KIAA0319L: variants seen among roughly 807,000 people sequenced by gnomAD.
KIAA0319L encodes dyslexia-associated protein KIAA0319-like protein.
A neutral mutation model predicts 120.1 loss-of-function variants in KIAA0319L; 55 were observed. The observed-to-expected ratio is 0.46, with a 90% CI of 0.37 to 0.57. The LOEUF (loss-of-function observed/expected upper bound fraction) is 0.57. Among genes scored for constraint, KIAA0319L ranks in the 20% least tolerant of loss-of-function variants. The pLI, the probability that KIAA0319L is intolerant of heterozygous loss-of-function variation, is 0.00. For synonymous variants in KIAA0319L, 398 were observed against 471.9 expected, an observed-to-expected ratio of 0.84 and a Z score of 2.03; for missense variants, 1,049 against 1,255.3, an observed-to-expected ratio of 0.84 and a Z score of 2.48.
intron 3 of KIAA0319L, among the ~76,000 whole-genome samples, chr1:35,496,947 C>CAAAAAAAAAAAAAAAAAAAAAAAAAA: frequency 2.0e-5 from 1 of 50,214 alleles, no homozygotes; most frequent in Non-Finnish European, 3.8e-5. Flanking sequence ...ATTGTGTCTC[C>CAAAAAAAAAAAAAAAAAAAAAAAAAA]AAAAAAAAAA....
chr1:35,556,049 GAAC>G (rs1393693710), intron 1 of KIAA0319L, among the ~76,000 whole-genome samples: 34 of 152,300 alleles, frequency 2.2e-4, no homozygotes, highest in Middle Eastern at 3.4e-3. Context: ...CCAAACGCAA[GAAC>G]AACAACACAT....
intron 2 of KIAA0319L, among the ~76,000 whole-genome samples, chr1:35,539,552 T>C (rs542791193): frequency 6.6e-6 from 1 of 152,314 alleles, no homozygotes; most frequent in South Asian, 2.1e-4. Context: ...AATGCACAGG[T>C]AGAAGACAGC....
chr1:35,459,917 G>A (rs1002874021), intron 9 of KIAA0319L, among the ~76,000 whole-genome samples: 6 of 152,152 alleles, frequency 3.9e-5, no homozygotes, highest in Admixed American at 2.0e-4. Context: ...TATGAGGTAC[G>A]TAAGCTGAGG....
intron 3 of KIAA0319L, among the ~76,000 whole-genome samples, chr1:35,490,872 A>T (rs1644566819): frequency 6.6e-6 from 1 of 152,046 alleles, no homozygotes; most frequent in Non-Finnish European, 1.5e-5. Flanking sequence ...ATGAGATCTG[A>T]TGGTTTAAAA....
intron 3 of KIAA0319L, among the ~76,000 whole-genome samples, chr1:35,488,167 T>C (rs192302401): frequency 1.3e-5 from 2 of 152,364 alleles, no homozygotes; most frequent in East Asian, 3.8e-4. Flanking sequence ...TTTTCAAAAG[T>C]AAGCGCTCCT....
chr1:35,462,569 A>G (rs1570687711), intron 8 of KIAA0319L, 52 bp downstream of exon 8: 1 of 1,415,770 alleles, frequency 7.1e-7, no homozygotes, highest in Non-Finnish European at 1.0e-6. Context: ...GTTTTCTATC[A>G]GAGTACACGG....
intron 3 of KIAA0319L, among the ~76,000 whole-genome samples, chr1:35,504,268 C>T (rs1645122807): frequency 6.6e-6 from 1 of 151,996 alleles, no homozygotes; most frequent in Non-Finnish European, 1.5e-5. Flanking sequence ...GCAATCTTCG[C>T]TCACTGCAAG....
chr1:35,508,661 C>T (rs1025588797), intron 2 of KIAA0319L, among the ~76,000 whole-genome samples: 2 of 151,744 alleles, frequency 1.3e-5, no homozygotes, highest in African/African-American at 4.8e-5. Context: ...TACAGAAATA[C>T]CCCCTCATTT....
chr1:35,492,443 G>A (rs977682884), intron 3 of KIAA0319L, among the ~76,000 whole-genome samples: 2 of 152,022 alleles, frequency 1.3e-5, no homozygotes, highest in Admixed American at 6.6e-5. Flanking sequence ...GAACCCAGGA[G>A]GTGGAGGTTG....
At chr1:35,530,237 T>C (rs1646312478) in intron 2 of KIAA0319L, among the ~76,000 whole-genome samples, 4 of 151,466 alleles carry the variant, frequency 2.6e-5, no homozygotes, top group Admixed American at 2.6e-4. Context: ...CTTCACTATG[T>C]TGCCCATCTA....
chr1:35,462,575 C>T (rs762234185), intron 8 of KIAA0319L, 46 bp downstream of exon 8: 4 of 1,450,308 alleles, frequency 2.8e-6, no homozygotes, highest in Non-Finnish European at 1.9e-6. Context: ...TATCAGAGTA[C>T]ACGGTGAATG....
chr1:35,508,410 C>T (rs1304373672), intron 2 of KIAA0319L, among the ~76,000 whole-genome samples: 1 of 152,180 alleles, frequency 6.6e-6, no homozygotes, highest in Non-Finnish European at 1.5e-5. Context: ...CAGCCAAAGC[C>T]AATCTGACTC....
intron 7 of KIAA0319L, among the ~76,000 whole-genome samples, chr1:35,463,352 G>GT (rs1461321447): frequency 6.6e-6 from 1 of 152,212 alleles, no homozygotes; most frequent in African/African-American, 2.4e-5. Context: ...ACAGCAGCAA[G>GT]TGACTCCTTT....
At position 35,437,628 on chromosome 1, in the gene KIAA0319L, A is replaced by G. The variant is rs909178339; in HGVS notation, c.2963-2547T>C. Among the ~76,000 whole-genome samples the G allele has an allele frequency of 2.6e-5, 4 of 152,066 alleles. No homozygotes were observed. Among genetic ancestry groups the G allele is most frequent in the Non-Finnish European group, 5.9e-5 (4 of 68,020 alleles). ...GCCAGGAGCTTCTCTGGTGCTATCA[A>G]TTCTGATTCTTTGGCCTTTGCAGCA... On this transcript the variant is annotated intron_variant, in intron 20 of 20. Transcript: ENST00000325722. This position sits in a 1 kb window ranked among gnomAD's most constrained non-coding sequence, Gnocchi z 4.1.
intron 3 of KIAA0319L, among the ~76,000 whole-genome samples, chr1:35,495,589 T>C (rs1644770209): frequency 6.6e-6 from 1 of 152,186 alleles, no homozygotes. Flanking sequence ...AAAGAGCTTG[T>C]ATGCAGAAAA....
chr1:35,463,321 A>G (rs1234775497), intron 7 of KIAA0319L, among the ~76,000 whole-genome samples: 1 of 152,194 alleles, frequency 6.6e-6, no homozygotes, highest in Non-Finnish European at 1.5e-5. Context: ...CTCATGTGCT[A>G]TCTAGTTGAT....
At chr1:35,482,714 C>A (rs1291268771) in intron 3 of KIAA0319L, among the ~76,000 whole-genome samples, 1 of 152,208 alleles carries the variant, frequency 6.6e-6, no homozygotes, top group Non-Finnish European at 1.5e-5. Context: ...CAGGTGTAAG[C>A]CACTGCGCCC....
chr1:35,506,751 G>A lies in KIAA0319L; in HGVS notation c.527C>T (p.Ser176Phe). ...CCTGATTAAGCTCTGCTGGTCACTG[G>A]AAGATACAGCAGGTCTGAGTGCAGC... ...PRAALRPAVS[S>F]SDQQSLIRKL... is the part of the protein sequence containing the mutation. Residue 176 changes from serine to phenylalanine, a missense_variant, in exon 3 of 21, where the codon TCC (serine) becomes TTC (phenylalanine). Coordinates refer to ENST00000325722, the MANE Select transcript of KIAA0319L (RefSeq NM_024874.5). This position sits in a 1 kb window ranked among gnomAD's most constrained non-coding sequence, Gnocchi z 4.0. 1.2e-6 allele frequency: 2 copies of A among 1,614,194 alleles called. No homozygotes were observed. The highest frequency in any genetic ancestry group is 1.7e-6 in the Non-Finnish European group (2 of 1,180,030).
In KIAA0319L at chr1:35,468,314, A is replaced by G. The variant is rs115179331; in HGVS notation, c.1114-1619T>C. 8.4e-3 allele frequency among the ~76,000 whole-genome samples: 1,271 copies of G among 152,132 alleles called. 20 individuals are homozygous for G. Among genetic ancestry groups the G allele is most frequent in the African/African-American group, 0.029 (1,213 of 41,496 alleles). On this transcript the variant is annotated intron_variant, in intron 6 of 20. Transcript: ENST00000325722. ...GTTTCCTCTACCCTCCATCCCTTAA[A>G]TGATGGGTGTTCCCAGGATTCCAAC...
Sources: gnomAD v4.1 joint callset for allele counts (sites outside exome capture counted in the v4.1 genomes callset) on GRCh38, gnomAD v4.1.1 for gene constraint, Gnocchi (gnomAD v3.1) non-coding constraint, MANE v1.5 for transcripts, NCBI Gene and HGNC (gene_info 2026-07-23, HGNC 2026-07-21) for gene names.